The following HTR2C variants were observed in gnomAD, a reference collection of about 807,000 sequenced individuals.
HTR2C encodes 5-hydroxytryptamine receptor 2C, also known as 5-hydroxytryptamine (serotonin) receptor 2C, G protein-coupled.
A neutral mutation model predicts 21.0 loss-of-function variants in HTR2C; 5 were observed. The observed-to-expected ratio is 0.24, with a 90% CI of 0.12 to 0.50. The LOEUF (loss-of-function observed/expected upper bound fraction) is 0.50. Ranked by LOEUF, HTR2C falls within the 20% of genes least tolerant of loss-of-function variation. The pLI, the probability that HTR2C is intolerant of heterozygous loss-of-function variation, is 0.98. For missense variants in HTR2C, 271 were observed against 371.2 expected, an observed-to-expected ratio of 0.73 and a Z score of 2.22; for synonymous variants, 150 against 145.3, an observed-to-expected ratio of 1.03 and a Z score of -0.23.
intron 4 of HTR2C, among the ~76,000 whole-genome samples, chrX:114,738,827 C>G (rs2069616315): frequency 9.1e-6 from 1 of 110,318 alleles, no homozygotes; most frequent in Admixed American, 9.7e-5. Flanking sequence ...TATACACACA[C>G]CATGACCAAC....
intron 5 of HTR2C, among the ~76,000 whole-genome samples, chrX:114,895,396 C>G (rs1317789730): frequency 2.7e-5 from 3 of 111,254 alleles, no homozygotes; most frequent in Non-Finnish European, 5.7e-5. Flanking sequence ...TAGTGATGTA[C>G]TCTCTTTTAT....
chrX:114,709,742 T>C (rs191619995), intron 2 of HTR2C, among the ~76,000 whole-genome samples: 1 of 111,517 alleles, frequency 9.0e-6, no homozygotes, highest in African/African-American at 3.2e-5. Context: ...TTCCTTCCTT[T>C]TCTTATTCCT....
chrX:114,669,772 T>A (rs1050905907), intron 2 of HTR2C, among the ~76,000 whole-genome samples: 3 of 112,790 alleles, frequency 2.7e-5, no homozygotes, highest in Non-Finnish European at 5.6e-5. Flanking sequence ...TTACAACAGC[T>A]AACATTCATT....
At chrX:114,784,933 A>G (rs963412130) in intron 4 of HTR2C, among the ~76,000 whole-genome samples, 3 of 111,081 alleles carry the variant, frequency 2.7e-5, no homozygotes, top group East Asian at 2.9e-4. Flanking sequence ...TCTTCTTATA[A>G]GGAGACTAGT....
At chrX:114,752,036 G>A (rs1602746617) in intron 4 of HTR2C, among the ~76,000 whole-genome samples, 1 of 112,134 alleles carries the variant, frequency 8.9e-6, no homozygotes, top group Non-Finnish European at 1.9e-5. Context: ...ATACCTGGGA[G>A]CAGACATATC....
At chrX:114,847,932 G>C in intron 4 of HTR2C, 71 bp from the exon 5 acceptor site, 2 of 801,971 alleles carry the variant, frequency 2.5e-6, no homozygotes, top group Non-Finnish European at 3.6e-6. Flanking sequence ...AATATAAGCA[G>C]ACTAAAATTT....
At chrX:114,767,733 AT>A (rs781921769) in intron 4 of HTR2C, among the ~76,000 whole-genome samples, 75 of 108,208 alleles carry the variant, frequency 6.9e-4, no homozygotes, top group African/African-American at 2.3e-3. Context: ...TATATTTAAA[AT>A]ATATATAAAA....
chrX:114,891,789 GT>G (rs1178887263), intron 5 of HTR2C, among the ~76,000 whole-genome samples: 2 of 109,164 alleles, frequency 1.8e-5, no homozygotes, highest in South Asian at 3.9e-4. Context: ...GGCAATAGCT[GT>G]TTTTTTTTAT....
chrX:114,864,896 T>C (rs2071033596), intron 5 of HTR2C, among the ~76,000 whole-genome samples: 1 of 42,789 alleles, frequency 2.3e-5, no homozygotes, highest in Admixed American at 4.6e-4. Flanking sequence ...TTCTTTTTCT[T>C]TTTCTTTTTT....
intron 1 of HTR2C, among the ~76,000 whole-genome samples, chrX:114,605,774 G>C (rs1197556439): frequency 1.8e-5 from 2 of 109,095 alleles, no homozygotes; most frequent in Non-Finnish European, 3.8e-5. Context: ...AGGGTGGAAG[G>C]TTGCCCATAG....
intron 2 of HTR2C, among the ~76,000 whole-genome samples, chrX:114,668,651 A>G (rs1254239521): frequency 1.8e-5 from 2 of 111,210 alleles, no homozygotes; most frequent in South Asian, 3.8e-4. Flanking sequence ...CCTCTTGCAT[A>G]TTCTTTAAAT....
chrX:114,747,256 C>T (rs1389258226), intron 4 of HTR2C, among the ~76,000 whole-genome samples: 1 of 112,197 alleles, frequency 8.9e-6, no homozygotes, highest in Admixed American at 9.4e-5. Flanking sequence ...AGGGGATCTA[C>T]AATTATCCTT....
intron 5 of HTR2C, among the ~76,000 whole-genome samples, chrX:114,896,471 T>C (rs782442256): frequency 8.9e-6 from 1 of 112,365 alleles, no homozygotes; most frequent in East Asian, 2.8e-4. Flanking sequence ...TGATTGTGGA[T>C]GTATTCATTT....
intron 4 of HTR2C, among the ~76,000 whole-genome samples, chrX:114,743,572 G>A (rs1556425642): frequency 8.9e-6 from 1 of 111,732 alleles, no homozygotes; most frequent in Non-Finnish European, 1.9e-5. Context: ...TCAAACCAAA[G>A]AATAGAAACA....
At chrX:114,904,079 T>C (rs1325955291) in intron 5 of HTR2C, among the ~76,000 whole-genome samples, 1 of 112,225 alleles carries the variant, frequency 8.9e-6, no homozygotes, top group African/African-American at 3.2e-5. Flanking sequence ...AAATGTTTTT[T>C]TGCTCTGGAA....
chrX:114,803,450 T>A (rs1179894312), intron 4 of HTR2C, among the ~76,000 whole-genome samples: 9 of 103,030 alleles, frequency 8.7e-5, no homozygotes, highest in African/African-American at 3.1e-4. Context: ...GGTATCTCAT[T>A]GTGGTTTTGA....
At chrX:114,720,920 T>C (rs1298746096) in intron 2 of HTR2C, among the ~76,000 whole-genome samples, 40 of 97,699 alleles carry the variant, frequency 4.1e-4, no homozygotes, top group Admixed American at 2.1e-3. Context: ...CTATCATTGT[T>C]GGACATTTGG....
At chrX:114,903,672 C>A (rs1300759044) in intron 5 of HTR2C, among the ~76,000 whole-genome samples, 1 of 112,590 alleles carries the variant, frequency 8.9e-6, no homozygotes, top group Non-Finnish European at 1.9e-5. Flanking sequence ...TAACATTACT[C>A]TGGAGTTGGT....
At chrX:114,782,999 A>T (rs997172105) in intron 4 of HTR2C, among the ~76,000 whole-genome samples, 1 of 111,158 alleles carries the variant, frequency 9.0e-6, no homozygotes, top group Admixed American at 9.7e-5. Context: ...AAGGATTAAT[A>T]TAAAAAGGGT....
Sources: allele counts gnomAD v4.1 joint callset (sites outside exome capture counted in the v4.1 genomes callset), GRCh38; gene constraint gnomAD v4.1.1; transcripts MANE v1.5; gene names NCBI Gene and HGNC (gene_info 2026-07-23, HGNC 2026-07-21).